The following GALNTL6 variants were observed in gnomAD, a reference collection of about 807,000 sequenced individuals.
GALNTL6 encodes the protein polypeptide N-acetylgalactosaminyltransferase-like 6.
Under a neutral mutation model 73.7 loss-of-function variants are expected in GALNTL6, and 46 were observed. That is an observed-to-expected ratio of 0.62 (90% CI 0.49 to 0.80). The LOEUF is 0.80. Ranked by LOEUF, GALNTL6 falls within the 30% of genes least tolerant of loss-of-function variation. GALNTL6 has a pLI of 0.00. For missense variants in GALNTL6, 604 were observed against 755.0 expected (o/e 0.80, Z 2.34); for synonymous variants, 259 against 263.7 (o/e 0.98, Z 0.17).
At chr4:172,310,299 CT>C (rs370058572) in intron 3 of GALNTL6, among the ~76,000 whole-genome samples, 44 of 151,214 alleles carry the variant, frequency 2.9e-4, no homozygotes, top group African/African-American at 1.1e-3. Context: ...ATGACAGGGT[CT>C]TGTTCTGTCA....
Position 172,160,295 on chromosome 4 carries a change from G to A in GALNTL6, c.139-69361G>A, listed in dbSNP as rs145144031. 7.9e-5 allele frequency among the ~76,000 whole-genome samples: 12 copies of A among 151,666 alleles called. No individual in the cohort carries two copies. In the East Asian group the frequency reaches 2.3e-3, roughly 29 times the overall value. On this transcript the variant is annotated intron_variant, in intron 2 of 12. Coordinates refer to ENST00000506823, the MANE Select transcript of GALNTL6 (RefSeq NM_001034845.3). The stretch of plus-strand genomic sequence containing the variant: ...GAATATACCTATCATATAGTAGTAA[G>A]CCAAAAGAAAATCAAGAAAATTGCT...
At chr4:171,937,190 A>T (rs1381503854) in intron 2 of GALNTL6, among the ~76,000 whole-genome samples, 1 of 152,138 alleles carries the variant, frequency 6.6e-6, no homozygotes, top group African/African-American at 2.4e-5. Context: ...TGGGGTAAGA[A>T]TTTGGCTTTA....
At chr4:171,826,666 G>A (rs1182866529) in intron 2 of GALNTL6, among the ~76,000 whole-genome samples, 1 of 152,044 alleles carries the variant, frequency 6.6e-6, no homozygotes, top group Non-Finnish European at 1.5e-5. Flanking sequence ...ATCATTAGTC[G>A]TATTACTTGT....
intron 5 of GALNTL6, among the ~76,000 whole-genome samples, chr4:172,626,747 G>A (rs991487426): frequency 6.6e-6 from 1 of 151,880 alleles, no homozygotes; most frequent in Non-Finnish European, 1.5e-5. Flanking sequence ...GGTAATTTTT[G>A]TGTGACTATT....
chr4:172,278,618 T>C (rs1738916465), intron 3 of GALNTL6, among the ~76,000 whole-genome samples: 1 of 152,142 alleles, frequency 6.6e-6, no homozygotes, highest in Admixed American at 6.5e-5. Flanking sequence ...AGAGAAATTT[T>C]CCAGTAACTT....
At chr4:172,903,000 TCCC>T (rs760336574) in intron 8 of GALNTL6, among the ~76,000 whole-genome samples, 11 of 152,186 alleles carry the variant, frequency 7.2e-5, no homozygotes, top group Non-Finnish European at 1.6e-4. Context: ...TATATTTTAT[TCCC>T]ACATTCACCA....
intron 2 of GALNTL6, among the ~76,000 whole-genome samples, chr4:171,833,109 A>C (rs889483480): frequency 6.6e-6 from 1 of 151,786 alleles, no homozygotes. Flanking sequence ...AAGCAATATT[A>C]AAAGTATGTA....
chr4:172,503,858 A>G (rs1253349664), intron 5 of GALNTL6, among the ~76,000 whole-genome samples: 1 of 152,100 alleles, frequency 6.6e-6, no homozygotes, highest in Non-Finnish European at 1.5e-5. Flanking sequence ...AAAGGGAAAC[A>G]GGTGTAAGGA....
chr4:171,843,554 C>G (rs1735295325), intron 2 of GALNTL6, among the ~76,000 whole-genome samples: 1 of 151,992 alleles, frequency 6.6e-6, no homozygotes, highest in African/African-American at 2.4e-5. Context: ...TCACCAAACT[C>G]TTAGAATTTT....
intron 8 of GALNTL6, among the ~76,000 whole-genome samples, chr4:172,911,628 GA>G (rs1747208100): frequency 6.6e-6 from 1 of 152,134 alleles, no homozygotes; most frequent in Admixed American, 6.5e-5. Flanking sequence ...ATATTAAAAT[GA>G]CTCTAAACTC....
chr4:171,876,522 T>G (rs1736283006), intron 2 of GALNTL6, among the ~76,000 whole-genome samples: 1 of 152,188 alleles, frequency 6.6e-6, no homozygotes, highest in South Asian at 2.1e-4. Context: ...AAGTAACGTG[T>G]TAGCAAAGTT....
intron 2 of GALNTL6, among the ~76,000 whole-genome samples, chr4:171,819,333 A>G (rs903980175): frequency 6.6e-6 from 1 of 152,192 alleles, no homozygotes; most frequent in Admixed American, 6.5e-5. Flanking sequence ...AGATCACTAC[A>G]TGATTAGTTC....
At chr4:172,970,032 A>G (rs2610209) in intron 10 of GALNTL6, among the ~76,000 whole-genome samples, 151,113 of 152,286 alleles carry the variant, frequency 0.99, 74,992 homozygotes, top group Middle Eastern at 1. Context: ...CACAAAACCA[A>G]CAAGTTTTTA....
intron 5 of GALNTL6, among the ~76,000 whole-genome samples, chr4:172,512,742 T>C (rs1448686651): frequency 6.6e-6 from 1 of 152,142 alleles, no homozygotes; most frequent in Admixed American, 6.6e-5. Context: ...CCAACAATTG[T>C]TTTGTTTAAG....
chr4:173,032,340 A>C (rs2126535740), intron 12 of GALNTL6, among the ~76,000 whole-genome samples: 1 of 151,882 alleles, frequency 6.6e-6, no homozygotes, highest in Non-Finnish European at 1.5e-5. Flanking sequence ...AGTCCCAGCT[A>C]CTCGGGAGGC....
intron 2 of GALNTL6, among the ~76,000 whole-genome samples, chr4:172,066,727 A>T (rs1731376454): frequency 1.3e-5 from 2 of 152,122 alleles, no homozygotes; most frequent in African/African-American, 4.8e-5. Flanking sequence ...CACTACACTT[A>T]TCATTTTAAC....
chr4:172,443,808 T>C (rs1292328187), intron 5 of GALNTL6, among the ~76,000 whole-genome samples: 2 of 152,190 alleles, frequency 1.3e-5, no homozygotes, highest in Non-Finnish European at 2.9e-5. Context: ...CCTATATATA[T>C]GGGATCTTTA....
intron 2 of GALNTL6, among the ~76,000 whole-genome samples, chr4:172,136,872 T>C (rs145386000): frequency 1.1e-4 from 17 of 152,140 alleles, no homozygotes; most frequent in Non-Finnish European, 1.6e-4. Flanking sequence ...CGATTTTTAT[T>C]ATGTAAAACA....
chr4:172,294,546 C>A (rs1739595432), intron 3 of GALNTL6, among the ~76,000 whole-genome samples: 1 of 151,898 alleles, frequency 6.6e-6, no homozygotes, highest in Non-Finnish European at 1.5e-5. Context: ...CTAAATCAAG[C>A]ACTTCTTGGG....
Sources: allele counts gnomAD v4.1 joint callset (sites outside exome capture counted in the v4.1 genomes callset), GRCh38; gene constraint gnomAD v4.1.1; transcripts MANE v1.5; gene names NCBI Gene and HGNC (gene_info 2026-07-23, HGNC 2026-07-21).